The following AKAP13 variants were observed in gnomAD, a reference collection of about 807,000 sequenced individuals.
AKAP13 encodes the protein A-kinase anchoring protein 13.
AKAP13 carries 80 observed loss-of-function variants against 264.5 expected under a neutral mutation model. That is an observed-to-expected ratio of 0.30 (90% CI 0.25 to 0.36). The LOEUF (loss-of-function observed/expected upper bound fraction) is 0.36. Among genes scored for constraint, AKAP13 ranks in the 10% least tolerant of loss-of-function variants. The pLI is 1.00. For synonymous variants in AKAP13, 1,380 were observed against 1,250.2 expected (o/e 1.10, Z -2.19); for missense variants, 3,712 against 3,435.2 (o/e 1.08, Z -2.01).
intron 5 of AKAP13, among the ~76,000 whole-genome samples, chr15:85,555,715 G>T (rs979375089): frequency 6.6e-6 from 1 of 152,178 alleles, no homozygotes; most frequent in Non-Finnish European, 1.5e-5. Flanking sequence ...CGCATGCTAG[G>T]CAAGGTAAGA....
intron 2 of AKAP13, among the ~76,000 whole-genome samples, chr15:85,502,848 G>A (rs991714923): frequency 5.9e-5 from 9 of 152,052 alleles, no homozygotes; most frequent in South Asian, 2.1e-4. Context: ...AGTTTCTTTC[G>A]TAAGACTTAT....
chr15:85,655,879 A>G (rs1362529547), intron 11 of AKAP13, 92 bp downstream of exon 11: 1 of 1,491,010 alleles, frequency 6.7e-7, no homozygotes, highest in African/African-American at 1.4e-5. Flanking sequence ...AGAATTTAGG[A>G]GACCCCATAG....
At chr15:85,412,915 C>T (rs2072050065) in intron 1 of AKAP13, among the ~76,000 whole-genome samples, 1 of 152,166 alleles carries the variant, frequency 6.6e-6, no homozygotes, top group African/African-American at 2.4e-5. Context: ...TATCCTGCAA[C>T]GTATATATTA....
chr15:85,402,713 C>T (rs1318511689), intron 1 of AKAP13, among the ~76,000 whole-genome samples: 2 of 152,076 alleles, frequency 1.3e-5, no homozygotes, highest in African/African-American at 2.4e-5. Flanking sequence ...CTGTATGTCT[C>T]ACTTAACCCT....
intron 5 of AKAP13, among the ~76,000 whole-genome samples, chr15:85,574,807 A>G (rs1461442415): frequency 1.3e-5 from 2 of 152,166 alleles, no homozygotes; most frequent in East Asian, 3.9e-4. Flanking sequence ...TCAGGCTAAA[A>G]CCATCTTCCT....
intron 8 of AKAP13, among the ~76,000 whole-genome samples, chr15:85,632,798 G>A (rs1469634539): frequency 2.0e-5 from 3 of 152,148 alleles, no homozygotes; most frequent in Non-Finnish European, 4.4e-5. Context: ...GGCAAATAAT[G>A]TTCACTTTAC....
rs563223670 is a variant in AKAP13 at position 85,515,815 on chromosome 15, A to G, written c.34-5613A>G. 4.4e-5 allele frequency among the ~76,000 whole-genome samples: 6 copies of G among 137,290 alleles called. No individual in the cohort carries two copies. The Admixed American group carries it at 4.4e-4, about 10-fold the overall frequency. 90.1% of individuals were successfully genotyped at this position (137,290 alleles called of 152,430 possible). A position where few individuals can be genotyped will look rare whatever the true frequency, so the allele number is the denominator to read the frequency against. ...TGCATGCTATGTGAAATGTGATGTT[A>G]GCTTATTTCTCTATGGTTATTTTTC... On this transcript the variant is annotated intron_variant, in intron 2 of 36. Transcript: ENST00000394518.
chr15:85,638,078 A>G (rs973604599), intron 8 of AKAP13, among the ~76,000 whole-genome samples: 1 of 150,274 alleles, frequency 6.7e-6, no homozygotes, highest in Admixed American at 6.6e-5. Flanking sequence ...TAGAGACAGG[A>G]TTTCACCGTG....
chr15:85,471,612 C>T (rs1043447212), intron 1 of AKAP13, among the ~76,000 whole-genome samples: 1 of 152,194 alleles, frequency 6.6e-6, no homozygotes, highest in Admixed American at 6.5e-5. Flanking sequence ...GCGTACGTAA[C>T]CACCACCACA....
intron 17 of AKAP13, among the ~76,000 whole-genome samples, chr15:85,694,446 G>C (rs911494663): frequency 1.3e-5 from 2 of 152,232 alleles, no homozygotes; most frequent in African/African-American, 2.4e-5. Flanking sequence ...AAACCAATGA[G>C]TGTGATTCCA....
chr15:85,524,326 C>G (rs1361297588), intron 3 of AKAP13, among the ~76,000 whole-genome samples: 1 of 151,814 alleles, frequency 6.6e-6, no homozygotes, highest in African/African-American at 2.4e-5. Context: ...TACAGGCGTA[C>G]CACCACACTT....
At chr15:85,628,077 G>T (rs2081515016) in intron 8 of AKAP13, among the ~76,000 whole-genome samples, 1 of 152,134 alleles carries the variant, frequency 6.6e-6, no homozygotes, top group Admixed American at 6.5e-5. Context: ...ATTAATCAGT[G>T]TTTCCAAACT....
intron 8 of AKAP13, among the ~76,000 whole-genome samples, chr15:85,629,904 T>C (rs1262926581): frequency 6.7e-6 from 1 of 150,162 alleles, no homozygotes; most frequent in East Asian, 2.0e-4. Flanking sequence ...CTCAGCCTCC[T>C]GAGTAGCTGG....
chr15:85,719,399 C>T (rs2151721584), intron 23 of AKAP13, 73 bp downstream of exon 23: 8 of 1,537,986 alleles, frequency 5.2e-6, no homozygotes, highest in East Asian at 2.3e-5. Flanking sequence ...CACAGCCATG[C>T]ATTCACATCT....
Position 85,399,472 on chromosome 15 carries a change from C to T in AKAP13, c.-12+18674C>T, listed in dbSNP as rs372769311. On this transcript the variant is annotated intron_variant, in intron 1 of 36. Transcript: ENST00000394518. Reference sequence around the variant, plus strand: ...GATTGCGCCACTGCAGTCCGCAGTCCGGCCTGGGCGACAGAGCGAGACTCC... The same window carrying T: ...GATTGCGCCACTGCAGTCCGCAGTCTGGCCTGGGCGACAGAGCGAGACTCC... Among the ~76,000 whole-genome samples, 34 of 124,608 alleles carry T rather than the reference C, an allele frequency of 2.7e-4. No individual in the cohort carries two copies. The East Asian group carries it at 4.4e-3, about 16-fold the overall frequency. 81.7% of individuals were successfully genotyped at this position (124,608 alleles called of 152,430 possible). A position where few individuals can be genotyped will look rare whatever the true frequency, so the allele number is the denominator to read the frequency against.
Position 85,639,462 on chromosome 15 carries a change from T to A in AKAP13, c.4237+13T>A, listed in dbSNP as rs369485078. The stretch of plus-strand genomic sequence containing the variant: ...AAGCAGAGCCCAGGTAAGCTGAGAT[T>A]ATCCATTCATTTTCTGGAGCTGCAG... On this transcript the variant is annotated intron_variant, in intron 9 of 36. Transcript: ENST00000394518. 66 of 1,601,884 alleles carry A rather than the reference T, an allele frequency of 4.1e-5. No individual in the cohort carries two copies. Among genetic ancestry groups the A allele is most frequent in the Admixed American group, 8.3e-5 (5 of 59,968 alleles).
chr15:85,578,615 A>G (rs1236288662), intron 6 of AKAP13, among the ~76,000 whole-genome samples: 1 of 152,152 alleles, frequency 6.6e-6, no homozygotes, highest in Non-Finnish European at 1.5e-5. Context: ...AAGTGCTGGG[A>G]TTACAGGCAT....
At chr15:85,637,891 T>G (rs1227406100) in intron 8 of AKAP13, among the ~76,000 whole-genome samples, 3 of 150,676 alleles carry the variant, frequency 2.0e-5, no homozygotes, top group East Asian at 1.9e-4. Flanking sequence ...GAAGTTTTTT[T>G]TTTTTTTTTT....
intron 19 of AKAP13, among the ~76,000 whole-genome samples, chr15:85,711,177 G>A (rs574381351): frequency 7.9e-5 from 12 of 152,012 alleles, no homozygotes; most frequent in African/African-American, 2.9e-4. Context: ...CACCATGCCC[G>A]GCCTAAACTT....
Sources: gnomAD v4.1 joint callset for allele counts (sites outside exome capture counted in the v4.1 genomes callset) on GRCh38, gnomAD v4.1.1 for gene constraint, MANE v1.5 for transcripts, NCBI Gene and HGNC (gene_info 2026-07-23, HGNC 2026-07-21) for gene names.